AQP9: variants seen among roughly 807,000 people sequenced by gnomAD.
AQP9 encodes aquaporin-9.
AQP9 carries 19 observed loss-of-function variants against 23.8 expected under a neutral mutation model. That is an observed-to-expected ratio of 0.80 (90% CI 0.56 to 1.17). The LOEUF is 1.17. Ranked by LOEUF, AQP9 falls within the 50% of genes most tolerant of loss-of-function variation. AQP9 has a pLI of 0.00. For synonymous variants in AQP9, 153 were observed against 131.5 expected (o/e 1.16, Z -1.12); for missense variants, 413 against 362.0 (o/e 1.14, Z -1.14).
intron 2 of AQP9, among the ~76,000 whole-genome samples, chr15:58,167,466 A>G (rs1421130375): frequency 2.0e-5 from 3 of 152,190 alleles, no homozygotes; most frequent in African/African-American, 7.2e-5. Context: ...TGAGAAGAGA[A>G]GAAAGGGAAC....
chr15:58,138,483 C>G lies in AQP9; in HGVS notation c.-83C>G. ...AGGAATCTGTGAGCCATTGTCAAAA[C>G]GTCCATTTTCATCTGGCTGTGAAAG... is the stretch of plus-strand genomic sequence containing the variant. On this transcript the variant is annotated 5_prime_UTR_variant, in exon 1 of 6. Transcript: ENST00000219919. 9.3e-7 allele frequency: 1 copy of G among 1,072,294 alleles called. No individual in the cohort carries two copies. Among genetic ancestry groups the G allele is most frequent in the Non-Finnish European group, 1.4e-6 (1 of 718,510 alleles). 66.4% of individuals were successfully genotyped at this position (1,072,294 alleles called of 1,614,324 possible). A position where few individuals can be genotyped will look rare whatever the true frequency, so the allele number is the denominator to read the frequency against.
At chr15:58,142,360 T>G (rs1359761762) in intron 1 of AQP9, among the ~76,000 whole-genome samples, 1 of 152,210 alleles carries the variant, frequency 6.6e-6, no homozygotes, top group Non-Finnish European at 1.5e-5. Context: ...CATCATTTGA[T>G]GAGAATTAAC....
At chr15:58,168,364 G>A (rs1364159792) in intron 2 of AQP9, among the ~76,000 whole-genome samples, 1 of 152,144 alleles carries the variant, frequency 6.6e-6, no homozygotes, top group African/African-American at 2.4e-5. Context: ...CATTTACAAT[G>A]CTCTATTATG....
Position 58,138,496 on chromosome 15 carries a change from C to A in AQP9, c.-70C>A. ...CCATTGTCAAAACGTCCATTTTCAT[C>A]TGGCTGTGAAAGTGAGGACCACAAC... is the stretch of plus-strand genomic sequence containing the variant. On this transcript the variant is annotated 5_prime_UTR_variant, in exon 1 of 6. The change creates a new upstream start codon in the 5' untranslated region. Transcript: ENST00000219919. 1 of 1,244,170 alleles carries A rather than the reference C, an allele frequency of 8.0e-7. No homozygotes were observed. Among genetic ancestry groups the A allele is most frequent in the Non-Finnish European group, 1.2e-6 (1 of 866,056 alleles). The allele number at this position is 1,244,170 out of a possible 1,614,324, so 77.1% of individuals were successfully genotyped here.
At chr15:58,157,960 C>T (rs1243612268) in intron 1 of AQP9, among the ~76,000 whole-genome samples, 2 of 152,082 alleles carry the variant, frequency 1.3e-5, no homozygotes, top group South Asian at 2.1e-4. Flanking sequence ...ATTTTCTGAA[C>T]TAGGGTGACC....
chr15:58,160,256 AT>A (rs11318219), intron 1 of AQP9, among the ~76,000 whole-genome samples: 75,362 of 149,184 alleles, frequency 0.51, 18,750 homozygotes, highest in Admixed American at 0.59. Flanking sequence ...ATGCTTGAGC[AT>A]TTTTTTTTTT....
chr15:58,169,513 G>T (rs189490395), intron 2 of AQP9, among the ~76,000 whole-genome samples: 2 of 152,278 alleles, frequency 1.3e-5, no homozygotes, highest in East Asian at 3.9e-4. Context: ...TGTGTGGGAG[G>T]TGACTTTCTC....
In AQP9 at chr15:58,138,826, T is replaced by A. The variant is rs569676786; in HGVS notation, c.111+150T>A. On this transcript the variant is annotated intron_variant, in intron 1 of 5. Transcript: ENST00000219919. ...GGAAGAAACAAGTTACTAGAGGCTG[T>A]TTGACTATTTAGGGGTTGTGATATT... 7.9e-5 allele frequency: 52 copies of A among 660,876 alleles called. 1 individual carries two copies. In the South Asian group the frequency reaches 9.6e-4, roughly 12 times the overall value. The allele number at this position is 660,876 out of a possible 1,614,324, so 40.9% of individuals were successfully genotyped here.
At chr15:58,174,037 A>C (rs1181718985) in intron 3 of AQP9, among the ~76,000 whole-genome samples, 3 of 152,062 alleles carry the variant, frequency 2.0e-5, no homozygotes, top group Non-Finnish European at 2.9e-5. Context: ...TAATCCCAAC[A>C]CTTTGGGAGG....
chr15:58,140,801 AT>A (rs1194955001), intron 1 of AQP9, among the ~76,000 whole-genome samples: 15 of 151,652 alleles, frequency 9.9e-5, no homozygotes, highest in Admixed American at 2.0e-4. Context: ...GTCTGGTTCT[AT>A]TTTTTTTCCC....
intron 2 of AQP9, 94 bp from the exon 3 acceptor site, chr15:58,172,974 C>G: frequency 1.3e-6 from 2 of 1,522,616 alleles, no homozygotes; most frequent in Non-Finnish European, 1.8e-6. Flanking sequence ...AGTTCTCTGC[C>G]TAGAAGACTG....
At chr15:58,144,114 C>T (rs1897997737) in intron 1 of AQP9, among the ~76,000 whole-genome samples, 2 of 152,130 alleles carry the variant, frequency 1.3e-5, no homozygotes. Flanking sequence ...CGTTTAGGTG[C>T]CTCTTTTGTA....
chr15:58,156,841 C>A (rs1261726016), intron 1 of AQP9, among the ~76,000 whole-genome samples: 3 of 152,150 alleles, frequency 2.0e-5, no homozygotes, highest in African/African-American at 4.8e-5. Context: ...GGTGCGTCTG[C>A]CATACAGGAT....
At chr15:58,178,338 T>G (rs1223994166) in intron 4 of AQP9, among the ~76,000 whole-genome samples, 1 of 152,200 alleles carries the variant, frequency 6.6e-6, no homozygotes, top group Non-Finnish European at 1.5e-5. Context: ...TTTTAATGGC[T>G]ATACAGTAGA....
In AQP9 at chr15:58,185,016, C is replaced by G. The variant is rs191590580; in HGVS notation, c.*881C>G. ...GTGCTTGTCCATTATTTTACACATG[C>G]CCTAGAAGCCAAAACTGAAAGCCAC... On this transcript the variant is annotated 3_prime_UTR_variant, in exon 6 of 6. Coordinates refer to ENST00000219919, the MANE Select transcript of AQP9 (RefSeq NM_020980.5). 3.9e-5 allele frequency: 6 copies of G among 152,142 alleles called. No homozygotes were observed. The highest frequency in any genetic ancestry group is 1.9e-4 in the East Asian group (1 of 5,196). 9.4% of individuals were successfully genotyped at this position (152,142 alleles called of 1,614,324 possible).
At chr15:58,140,195 ATCTT>A (rs1897927953) in intron 1 of AQP9, among the ~76,000 whole-genome samples, 1 of 143,320 alleles carries the variant, frequency 7.0e-6, no homozygotes, top group African/African-American at 2.9e-5. Context: ...TGAACTACAC[ATCTT>A]TTTTTTTTTT....
chr15:58,154,346 A>G (rs1898205650), intron 1 of AQP9: 1 of 151,912 alleles, frequency 6.6e-6, no homozygotes, highest in South Asian at 2.1e-4. Flanking sequence ...ATGAAACTCT[A>G]TTTCCTCTCC....
chr15:58,178,423 T>C (rs1200992852), intron 4 of AQP9, among the ~76,000 whole-genome samples: 2 of 152,232 alleles, frequency 1.3e-5, no homozygotes, highest in Non-Finnish European at 2.9e-5. Context: ...AAATGATTTT[T>C]CCACGTTTTA....
intron 1 of AQP9, among the ~76,000 whole-genome samples, chr15:58,158,758 T>G (rs979125339): frequency 6.6e-6 from 1 of 152,218 alleles, no homozygotes; most frequent in African/African-American, 2.4e-5. Flanking sequence ...AAAAGGTAGA[T>G]AGAAGACATG....
Sources: gnomAD v4.1 joint callset for allele counts (sites outside exome capture counted in the v4.1 genomes callset) on GRCh38, gnomAD v4.1.1 for gene constraint, MANE v1.5 for transcripts, NCBI Gene and HGNC (gene_info 2026-07-23, HGNC 2026-07-21) for gene names.